The following CORO1C variants were observed in gnomAD, a reference collection of about 807,000 sequenced individuals.
CORO1C encodes coronin 1C.
CORO1C carries 14 observed loss-of-function variants against 51.2 expected under a neutral mutation model. The ratio of observed to expected loss-of-function variants is 0.27; its 90% CI spans 0.18 to 0.43. The LOEUF is 0.43. Ranked by LOEUF, CORO1C falls within the 20% of genes least tolerant of loss-of-function variation. The pLI is 1.00. For missense variants in CORO1C, 417 were observed against 607.8 expected, an observed-to-expected ratio of 0.69 and a Z score of 3.30; for synonymous variants, 181 against 210.5, an observed-to-expected ratio of 0.86 and a Z score of 1.21.
chr12:108,666,515 C>T (rs373789758), intron 3 of CORO1C, among the ~76,000 whole-genome samples: 57 of 152,300 alleles, frequency 3.7e-4, no homozygotes, highest in African/African-American at 1.4e-3. Context: ...ACAGGCCTGT[C>T]ATTATGTGGC....
At chr12:108,663,914 G>A (rs917074570) in intron 3 of CORO1C, among the ~76,000 whole-genome samples, 4 of 152,144 alleles carry the variant, frequency 2.6e-5, no homozygotes, top group Admixed American at 1.3e-4. Context: ...CTTAATTGGG[G>A]ACATGCCTGG....
intron 1 of CORO1C, among the ~76,000 whole-genome samples, chr12:108,724,571 G>A (rs1393867716): frequency 6.6e-6 from 1 of 152,150 alleles, no homozygotes; most frequent in Non-Finnish European, 1.5e-5. Context: ...TAGGTCCACA[G>A]ATGATCATCA....
chr12:108,704,040 C>T (rs1283040179), intron 1 of CORO1C, among the ~76,000 whole-genome samples: 5 of 152,136 alleles, frequency 3.3e-5, no homozygotes, highest in Non-Finnish European at 4.4e-5. Context: ...AAAAGAGAGA[C>T]GATTTTTCCT....
Position 108,646,542 on chromosome 12 carries a change from G to A in CORO1C, c.*861C>T, listed in dbSNP as rs1363611031. ...ATGAATGCAATATGATCCTAGGTGT[G>A]TAACAAACTGCAGAAACACATGCTA... On this transcript the variant is annotated 3_prime_UTR_variant, in exon 11 of 11. Transcript: ENST00000261401. 1 of 152,228 alleles carries A rather than the reference G, an allele frequency of 6.6e-6. No homozygotes were observed. 9.4% of individuals were successfully genotyped at this position (152,228 alleles called of 1,614,324 possible).
chr12:108,717,398 A>C (rs1165083715), intron 1 of CORO1C, among the ~76,000 whole-genome samples: 1 of 152,180 alleles, frequency 6.6e-6, no homozygotes, highest in Non-Finnish European at 1.5e-5. Flanking sequence ...GAAATTTTTT[A>C]AGTATGAGTA....
At chr12:108,694,264 A>G (rs910524884) in intron 2 of CORO1C, among the ~76,000 whole-genome samples, 12 of 144,700 alleles carry the variant, frequency 8.3e-5, no homozygotes, top group Admixed American at 2.8e-4. Flanking sequence ...CCTGGGGAAC[A>G]GAGCAAGACT....
chr12:108,690,176 A>G (rs555988270), intron 2 of CORO1C, among the ~76,000 whole-genome samples: 115 of 152,322 alleles, frequency 7.5e-4, no homozygotes, highest in Admixed American at 1.4e-3. Context: ...TGCACACAAT[A>G]TATGACTTGT....
intron 1 of CORO1C, among the ~76,000 whole-genome samples, chr12:108,709,381 G>A (rs1372734615): frequency 2.6e-5 from 4 of 152,040 alleles, no homozygotes; most frequent in East Asian, 1.9e-4. Flanking sequence ...TAAAAGAACC[G>A]GCACCACTTA....
intron 2 of CORO1C, among the ~76,000 whole-genome samples, chr12:108,683,050 G>C (rs1303601031): frequency 6.6e-6 from 1 of 152,154 alleles, no homozygotes; most frequent in African/African-American, 2.4e-5. Flanking sequence ...TAGTAGAAAA[G>C]ACTGAAAATT....
intron 3 of CORO1C, among the ~76,000 whole-genome samples, chr12:108,675,799 T>C (rs2033886333): frequency 1.3e-5 from 2 of 152,202 alleles, no homozygotes; most frequent in Admixed American, 1.3e-4. Flanking sequence ...CATCATGTGC[T>C]TCCTAGCGTA....
At chr12:108,692,776 G>A (rs754654230) in intron 2 of CORO1C, among the ~76,000 whole-genome samples, 3 of 147,716 alleles carry the variant, frequency 2.0e-5, no homozygotes, top group African/African-American at 7.5e-5. Context: ...AAAGGATTCA[G>A]TGTCCATTAG....
At chr12:108,721,897 T>C (rs1299029627) in intron 1 of CORO1C, among the ~76,000 whole-genome samples, 1 of 151,884 alleles carries the variant, frequency 6.6e-6, no homozygotes, top group Non-Finnish European at 1.5e-5. Context: ...CCTTTCAAGC[T>C]GTGAAGTTCC....
chr12:108,650,003 A>G (rs764355035), intron 8 of CORO1C, among the ~76,000 whole-genome samples: 1 of 152,212 alleles, frequency 6.6e-6, no homozygotes, highest in Non-Finnish European at 1.5e-5. Flanking sequence ...GCAGGAGTCC[A>G]TTGAAGACAA....
At chr12:108,693,572 G>A (rs916778015) in intron 2 of CORO1C, among the ~76,000 whole-genome samples, 12 of 152,206 alleles carry the variant, frequency 7.9e-5, no homozygotes, top group African/African-American at 2.9e-4. Context: ...AAGAAATGTA[G>A]GATTTTCTAC....
intron 3 of CORO1C, among the ~76,000 whole-genome samples, chr12:108,676,965 C>T (rs1365925974): frequency 6.6e-6 from 1 of 152,018 alleles, no homozygotes; most frequent in Non-Finnish European, 1.5e-5. Flanking sequence ...CATTCCCAGC[C>T]AAAAGCCCAT....
intron 1 of CORO1C, among the ~76,000 whole-genome samples, chr12:108,704,782 T>C (rs1592932328): frequency 1.3e-5 from 2 of 152,192 alleles, no homozygotes; most frequent in Non-Finnish European, 2.9e-5. Flanking sequence ...CAATAGAGTA[T>C]AGCAATTAAG....
chr12:108,648,861 C>T lies in CORO1C; in HGVS notation c.1060-11G>A. 1.2e-6 allele frequency: 2 copies of T among 1,614,046 alleles called. No homozygotes were observed. Among genetic ancestry groups the T allele is most frequent in the Non-Finnish European group, 1.7e-6 (2 of 1,179,964 alleles). ...TTGGAAAAGGTCAGACTACAAGAGA[C>T]ATTTGGCACCCGTGGGTAAGGAAGA... is the stretch of plus-strand genomic sequence containing the variant. On this transcript the variant is annotated splice_polypyrimidine_tract_variant and intron_variant, in intron 9 of 10. Transcript: ENST00000261401.
intron 1 of CORO1C, among the ~76,000 whole-genome samples, chr12:108,727,202 C>T (rs1233540722): frequency 6.6e-6 from 1 of 152,192 alleles, no homozygotes; most frequent in Non-Finnish European, 1.5e-5. Context: ...ACCTTTCAGA[C>T]TATTAGCTCA....
chr12:108,714,281 C>T (rs562671236), intron 1 of CORO1C, among the ~76,000 whole-genome samples: 6 of 150,900 alleles, frequency 4.0e-5, no homozygotes, highest in South Asian at 2.1e-4. Flanking sequence ...CCCAGCTACT[C>T]GGGAGGCTGA....
Sources: allele counts gnomAD v4.1 joint callset (sites outside exome capture counted in the v4.1 genomes callset), GRCh38; gene constraint gnomAD v4.1.1; transcripts MANE v1.5; gene names NCBI Gene and HGNC (gene_info 2026-07-23, HGNC 2026-07-21).